TMPRSS13: variants seen among roughly 807,000 people sequenced by gnomAD.
TMPRSS13 encodes transmembrane serine protease 13.
A neutral mutation model predicts 68.4 loss-of-function variants in TMPRSS13; 50 were observed. The ratio of observed to expected loss-of-function variants is 0.73; its 90% CI spans 0.58 to 0.93. The LOEUF (loss-of-function observed/expected upper bound fraction) is 0.93. Ranked by LOEUF, TMPRSS13 falls within the 40% of genes least tolerant of loss-of-function variation. The pLI is 0.00. For missense variants in TMPRSS13, 615 were observed against 729.2 expected, an observed-to-expected ratio of 0.84 and a Z score of 1.80; for synonymous variants, 267 against 285.8, an observed-to-expected ratio of 0.93 and a Z score of 0.66.
intron 10 of TMPRSS13, 84 bp from the exon 11 acceptor site, chr11:117,904,185 C>G (rs752997657): frequency 5.3e-6 from 8 of 1,515,156 alleles, no homozygotes; most frequent in South Asian, 2.6e-5. Context: ...GCTGCCACCC[C>G]AAGACCCAGA....
chr11:117,911,718 C>A (rs765542562), intron 6 of TMPRSS13, 50 bp downstream of exon 6: 2 of 1,506,280 alleles, frequency 1.3e-6, no homozygotes, highest in Non-Finnish European at 1.8e-6. Context: ...CCCTCTCCTA[C>A]CCACTCCTTC....
chr11:117,911,638 A>G, intron 6 of TMPRSS13, 130 bp downstream of exon 6: 3 of 671,000 alleles, frequency 4.5e-6, no homozygotes, highest in South Asian at 1.9e-5. Context: ...GATGCCCCTG[A>G]ACACTCATGG....
chr11:117,902,832 G>T (rs187088111), intron 12 of TMPRSS13, among the ~76,000 whole-genome samples: 1 of 152,296 alleles, frequency 6.6e-6, no homozygotes, highest in East Asian at 1.9e-4. Flanking sequence ...ATTGTAAATG[G>T]CTGATTTTGA....
chr11:117,903,650 C>A lies in TMPRSS13; in HGVS notation c.1677+5G>T. ...GGGTGCAGTGTCCTGCTGCAGGGAT[C>A]TTACCTCCATCTTGCTGTAAATCCA... is the stretch of plus-strand genomic sequence containing the variant. On this transcript the variant is annotated splice_donor_5th_base_variant and intron_variant, in intron 12 of 12. Transcript: ENST00000524993. The A allele has an allele frequency of 6.2e-7, 1 of 1,614,216 alleles. No homozygotes were observed. The highest frequency in any genetic ancestry group is 8.5e-7 in the Non-Finnish European group (1 of 1,180,034).
At chr11:117,925,362 G>T (rs1464737411) in intron 1 of TMPRSS13, among the ~76,000 whole-genome samples, 1 of 152,218 alleles carries the variant, frequency 6.6e-6, no homozygotes, top group Non-Finnish European at 1.5e-5. Context: ...ATCCCTGTTA[G>T]ACCAGAATCA....
chr11:117,910,148 T>C (rs1329112998), intron 7 of TMPRSS13, among the ~76,000 whole-genome samples, 180 bp from the exon 8 acceptor site: 1 of 152,124 alleles, frequency 6.6e-6, no homozygotes, highest in South Asian at 2.1e-4. Context: ...ACACAGCAGT[T>C]TCTGTGAGAG....
chr11:117,919,986 G>T (rs1026972273), intron 1 of TMPRSS13, among the ~76,000 whole-genome samples: 1 of 152,222 alleles, frequency 6.6e-6, no homozygotes, highest in African/African-American at 2.4e-5. Context: ...CTGGGGATAG[G>T]GCTGGGGGTT....
In TMPRSS13 at chr11:117,918,399, T is replaced by A; in HGVS notation, c.451+10A>T. 1 of 1,611,478 alleles carries A rather than the reference T, an allele frequency of 6.2e-7. No individual in the cohort carries two copies. Among genetic ancestry groups the A allele is most frequent in the Non-Finnish European group, 8.5e-7 (1 of 1,177,948 alleles). ...CATCTCTCGTGGCTTCCCTACAGCA[T>A]CCCCCTTACCTGGGCTCTCCCTGGT... On this transcript the variant is annotated intron_variant, in intron 2 of 12. Transcript: ENST00000524993.
intron 2 of TMPRSS13, among the ~76,000 whole-genome samples, chr11:117,917,973 C>T (rs1282125323): frequency 6.6e-6 from 1 of 152,164 alleles, no homozygotes; most frequent in Non-Finnish European, 1.5e-5. Context: ...ACTTGCACAC[C>T]TGGTCAGAAT....
intron 12 of TMPRSS13, chr11:117,903,191 C>A (rs933796482): frequency 1.4e-6 from 2 of 1,394,518 alleles, no homozygotes; most frequent in Non-Finnish European, 1.9e-6. Flanking sequence ...AATGGAGTCA[C>A]TTGTGTTTTT....
At chr11:117,907,017 G>A (rs2057470251) in intron 9 of TMPRSS13, among the ~76,000 whole-genome samples, 1 of 152,186 alleles carries the variant, frequency 6.6e-6, no homozygotes, top group Admixed American at 6.5e-5. Context: ...ATTGGAGCCT[G>A]GAGGGAGACT....
Position 117,914,039 on chromosome 11 carries a change from C to T in TMPRSS13, c.680-133G>A. 8.9e-7 allele frequency: 1 copy of T among 1,120,644 alleles called. No individual in the cohort carries two copies. Among genetic ancestry groups the T allele is most frequent in the Non-Finnish European group, 1.3e-6 (1 of 796,356 alleles). The allele number at this position is 1,120,644 out of a possible 1,614,324, so 69.4% of individuals were successfully genotyped here. A position where few individuals can be genotyped will look rare whatever the true frequency, so the allele number is the denominator to read the frequency against. On this transcript the variant is annotated intron_variant, in intron 4 of 12. Coordinates refer to ENST00000524993, the MANE Select transcript of TMPRSS13 (RefSeq NM_001077263.3). The surrounding 1 kb of genome is among the most constrained non-coding windows in gnomAD (Gnocchi z 4.2). ...TCCTTGCTGAGGCCTGGGAAAAGTC[C>T]AGGAACATGGCCTGGGTCATGGGGG...
chr11:117,905,603 A>C (rs765310186), intron 10 of TMPRSS13, 35 bp downstream of exon 10: 1 of 1,535,376 alleles, frequency 6.5e-7, no homozygotes, highest in South Asian at 1.2e-5. Context: ...ATGCACATGA[A>C]TACATACACA....
rs1361721153 is a variant in TMPRSS13 at position 117,915,632 on chromosome 11, ACC to A, written c.557-1120_557-1119del. On this transcript the variant is annotated intron_variant, in intron 3 of 12. Transcript: ENST00000524993. This position sits in a 1 kb window ranked among gnomAD's most constrained non-coding sequence, Gnocchi z 4.9. ...TCAGGAGGCCTGGGCTCTAGTCCTG[ACC>A]CCACCAGGTAGCTGCTTGGTGACCT... Among the ~76,000 whole-genome samples the A allele has an allele frequency of 1.3e-5, 2 of 152,108 alleles. No individual in the cohort carries two copies. The highest frequency in any genetic ancestry group is 4.8e-5 in the African/African-American group (2 of 41,484).
At chr11:117,928,644 G>A (rs982667703) in intron 1 of TMPRSS13, among the ~76,000 whole-genome samples, 14 of 152,216 alleles carry the variant, frequency 9.2e-5, no homozygotes, top group Non-Finnish European at 1.8e-4. Context: ...CTTTCCCACA[G>A]AGGACAGGCC....
intron 12 of TMPRSS13, 77 bp downstream of exon 12, chr11:117,903,578 C>T (rs1415878884): frequency 1.5e-5 from 24 of 1,606,760 alleles, no homozygotes; most frequent in Non-Finnish European, 2.0e-5. Flanking sequence ...TGCCTACAAC[C>T]TGGGTGCTCC....
In TMPRSS13 at chr11:117,918,627, T is replaced by C. The variant is rs75037497; in HGVS notation, c.233A>G (p.Gln78Arg). 8.8e-4 allele frequency: 454 copies of C among 513,114 alleles called. 1 individual carries two copies. The highest frequency in any genetic ancestry group is 6.4e-3 in the East Asian group (141 of 21,884). 31.8% of individuals were successfully genotyped at this position (513,114 alleles called of 1,614,324 possible). Residue 78 changes from glutamine to arginine, a missense_variant, in exon 2 of 13, where the codon CAG (glutamine) becomes CGG (arginine). Gln to Arg is a conservative substitution (Grantham distance 43, BLOSUM62 1). Transcript: ENST00000524993. ...TGGAGATGCCTGGGCTGGAGATGCC[T>C]GGGCTGGAGATGCCCGGCCTGGAGA... is the stretch of plus-strand genomic sequence containing the variant. ...RASPGRASPA[Q>R]ASPAQASPAR... is the part of the protein sequence containing the mutation.
Position 117,918,786 on chromosome 11 carries a change from G to C in TMPRSS13, c.74C>G (p.Ser25Cys), listed in dbSNP as rs1263176260. Reference protein sequence around the residue: ...PSAGASPAQASPAGTPPGRAS... With the variant: ...PSAGASPAQACPAGTPPGRAS... Reference sequence around the variant, plus strand: ...CCGGCCTGGAGGTGTCCCAGCTGGAGATGCCTGGGCTGGAGATGCTCCAGC... The same window carrying C: ...CCGGCCTGGAGGTGTCCCAGCTGGACATGCCTGGGCTGGAGATGCTCCAGC... Residue 25 changes from serine to cysteine, a missense_variant, in exon 2 of 13, where the codon TCT becomes TGT. Physicochemically the swap from Ser to Cys is moderately radical, Grantham distance 112. Coordinates refer to ENST00000524993, the MANE Select transcript of TMPRSS13 (RefSeq NM_001077263.3). 9 of 1,613,712 alleles carry C rather than the reference G, an allele frequency of 5.6e-6. No individual in the cohort carries two copies. Among genetic ancestry groups the C allele is most frequent in the Non-Finnish European group, 7.6e-6 (9 of 1,179,812 alleles).
At chr11:117,929,140 G>C (rs1438251664) in intron 1 of TMPRSS13, 147 bp downstream of exon 1, 1 of 593,790 alleles carries the variant, frequency 1.7e-6, no homozygotes, top group African/African-American at 1.9e-5. Context: ...AAGAGATCTT[G>C]ATCGTAAGTA....
Sources: gnomAD v4.1 joint callset for allele counts (sites outside exome capture counted in the v4.1 genomes callset) on GRCh38, gnomAD v4.1.1 for gene constraint, Gnocchi (gnomAD v3.1) non-coding constraint, MANE v1.5 for transcripts, NCBI Gene and HGNC (gene_info 2026-07-23, HGNC 2026-07-21) for gene names.